Variants in ZNF573 observed in about 807,000 individuals in gnomAD.
ZNF573 encodes zinc finger protein 573.
In ZNF573, 41 loss-of-function variants were observed where a neutral mutation model predicts 57.4. The observed-to-expected ratio is 0.71, with a 90% CI of 0.56 to 0.93. The LOEUF is 0.93. Ranked by LOEUF, ZNF573 falls within the 40% of genes least tolerant of loss-of-function variation. The pLI is 0.00. For synonymous variants in ZNF573, 249 were observed against 261.0 expected, an observed-to-expected ratio of 0.95 and a Z score of 0.44; for missense variants, 730 against 794.8, an observed-to-expected ratio of 0.92 and a Z score of 0.98.
intron 1 of ZNF573, among the ~76,000 whole-genome samples, chr19:37,775,404 T>G (rs988469976): frequency 2.0e-5 from 3 of 152,100 alleles, no homozygotes; most frequent in African/African-American, 7.2e-5. Flanking sequence ...CCATATAGAT[T>G]CCATGAGCTT....
intron 4 of ZNF573, among the ~76,000 whole-genome samples, chr19:37,768,692 GTCTC>G (rs2045623995): frequency 1.3e-5 from 2 of 151,996 alleles, no homozygotes; most frequent in South Asian, 4.1e-4. Context: ...TTGAGATGGA[GTCTC>G]TCTCAGTCGC....
At position 37,739,199 on chromosome 19, in the gene ZNF573, G is replaced by C. The variant is rs772686361; in HGVS notation, c.1291C>G (p.Gln431Glu). 2.0e-5 allele frequency: 33 copies of C among 1,613,028 alleles called. No individual in the cohort carries two copies. Among genetic ancestry groups the C allele is most frequent in the Non-Finnish European group, 2.7e-5 (32 of 1,179,742 alleles). ...KAFSLYGYLK[Q>E]HQKIHTGMKH... Reference sequence around the variant, plus strand: ...ATGCCAGTATGAATTTTCTGATGTTGTTTAAGGTAGCCATACAAGCTAAAG... The same window carrying C: ...ATGCCAGTATGAATTTTCTGATGTTCTTTAAGGTAGCCATACAAGCTAAAG... Residue 431 changes from glutamine to glutamate, a missense_variant, in exon 5 of 5, where the codon CAA becomes GAA. Physicochemically the swap from Gln to Glu is conservative, Grantham distance 29. Coordinates refer to ENST00000536220, the MANE Select transcript of ZNF573 (RefSeq NM_001172690.2).
At chr19:37,748,336 T>C (rs1243951351) in intron 4 of ZNF573, among the ~76,000 whole-genome samples, 1 of 152,222 alleles carries the variant, frequency 6.6e-6, no homozygotes, top group Non-Finnish European at 1.5e-5. Context: ...AATCTCTGTA[T>C]TATCTTTGTA....
chr19:37,741,330 T>C (rs2045325312), intron 4 of ZNF573, among the ~76,000 whole-genome samples: 1 of 152,104 alleles, frequency 6.6e-6, no homozygotes, highest in South Asian at 2.1e-4. Context: ...AATAGCCCAA[T>C]CATAGTTCAC....
At position 37,739,288 on chromosome 19, in the gene ZNF573, A is replaced by C. The variant is rs1220200742; in HGVS notation, c.1202T>G (p.Leu401Arg). ...AGTATGAGTTTTCTGATGTTGAAAG[A>C]GTTTTGAACCAGTAGTATAGGTCTT... ...CGKTYTTGSK[L>R]FQHQKTHTGE... The change falls in exon 5 of 5, where the codon CTC becomes CGC. Residue 401 changes from leucine (L) to arginine (R), a missense_variant. Transcript: ENST00000536220. 1 of 1,613,930 alleles carries C rather than the reference A, an allele frequency of 6.2e-7. No homozygotes were observed. Among genetic ancestry groups the C allele is most frequent in the Admixed American group, 1.7e-5 (1 of 59,984 alleles).
Position 37,738,602 on chromosome 19 carries a change from T to C in ZNF573, c.1888A>G (p.Arg630Gly). 6.2e-7 allele frequency: 1 copy of C among 1,611,302 alleles called. No homozygotes were observed. Among genetic ancestry groups the C allele is most frequent in the Non-Finnish European group, 8.5e-7 (1 of 1,178,748 alleles). The change falls in exon 5 of 5, where the codon AGA becomes GGA. Residue 630 changes from arginine (R) to glycine (G), a missense_variant. Physicochemically the swap from Arg to Gly is moderately radical, Grantham distance 125. Transcript: ENST00000536220. ...SRASNLVQHE[R>G]IHTGEKPYVC... ...TAGGGTTTCTCACCAGTATGAATTC[T>C]CTCATGTTGAACAAGGTTTGAAGCA...
At chr19:37,752,159 G>A (rs2045444334) in intron 4 of ZNF573, among the ~76,000 whole-genome samples, 1 of 152,014 alleles carries the variant, frequency 6.6e-6, no homozygotes, top group Admixed American at 6.6e-5. Flanking sequence ...ATTCAAAGGA[G>A]TCTCTTTAGC....
rs541895815 is a variant in ZNF573 at position 37,740,322 on chromosome 19, G to A, written c.296-128C>T. 6.6e-5 allele frequency: 58 copies of A among 884,390 alleles called. No individual in the cohort carries two copies. In the East Asian group the frequency reaches 7.6e-4, roughly 12 times the overall value. The allele number at this position is 884,390 out of a possible 1,614,324, so 54.8% of individuals were successfully genotyped here. Reference sequence around the variant, plus strand: ...ATATAGAATTCAAAAATATGGTTACGAAATTTGAAAAAGGCCAAAAAGAGT... The same window carrying A: ...ATATAGAATTCAAAAATATGGTTACAAAATTTGAAAAAGGCCAAAAAGAGT... On this transcript the variant is annotated intron_variant, in intron 4 of 4. Transcript: ENST00000536220.
chr19:37,749,561 C>T (rs1468832024), intron 4 of ZNF573, among the ~76,000 whole-genome samples: 1 of 151,886 alleles, frequency 6.6e-6, no homozygotes, highest in Non-Finnish European at 1.5e-5. Flanking sequence ...AATTGGTGAC[C>T]TATATATTCA....
At chr19:37,777,422 G>C (rs1238021747) in intron 1 of ZNF573, among the ~76,000 whole-genome samples, 2 of 152,076 alleles carry the variant, frequency 1.3e-5, no homozygotes, top group Non-Finnish European at 2.9e-5. Flanking sequence ...AGAAAATTTG[G>C]TGTACGTACA....
At chr19:37,748,676 C>G (rs1184141269) in intron 4 of ZNF573, among the ~76,000 whole-genome samples, 1 of 152,010 alleles carries the variant, frequency 6.6e-6, no homozygotes, top group Non-Finnish European at 1.5e-5. Context: ...ATGCCTTAAC[C>G]CCAGCACTTT....
chr19:37,744,231 G>A (rs977641380), intron 4 of ZNF573, among the ~76,000 whole-genome samples: 2 of 152,176 alleles, frequency 1.3e-5, no homozygotes, highest in East Asian at 3.9e-4. Flanking sequence ...CTCCCAAGCA[G>A]GTCATAAAAC....
chr19:37,742,064 T>G (rs891616858), intron 4 of ZNF573, among the ~76,000 whole-genome samples: 1 of 152,072 alleles, frequency 6.6e-6, no homozygotes, highest in Non-Finnish European at 1.5e-5. Context: ...ATGAATGAAC[T>G]CCCATTCATA....
At chr19:37,760,571 C>A (rs956253147) in intron 4 of ZNF573, among the ~76,000 whole-genome samples, 1 of 152,150 alleles carries the variant, frequency 6.6e-6, no homozygotes, top group Non-Finnish European at 1.5e-5. Context: ...AGCCTGTAAT[C>A]CCAGCACTTT....
chr19:37,772,379 T>G (rs531443549), intron 2 of ZNF573, among the ~76,000 whole-genome samples: 1 of 151,914 alleles, frequency 6.6e-6, no homozygotes, highest in East Asian at 1.9e-4. Context: ...GCAATCCGCC[T>G]GCCTCAGCCT....
At chr19:37,772,599 G>A (rs1045415865) in intron 2 of ZNF573, among the ~76,000 whole-genome samples, 8 of 151,006 alleles carry the variant, frequency 5.3e-5, no homozygotes, top group African/African-American at 9.7e-5. Context: ...GACTTACTCC[G>A]TCGTTAATCC....
rs191520328 is a variant in ZNF573, at chr19:37,770,502, C to T, written c.203-405G>A. On this transcript the variant is annotated intron_variant, in intron 3 of 4. Coordinates refer to ENST00000536220, the MANE Select transcript of ZNF573 (RefSeq NM_001172690.2). Reference sequence around the variant, plus strand: ...ACTATTGGCTAGGCATGGTGGCTCACGCCTATAATCCCAGCATTTTGGAAG... The same window carrying T: ...ACTATTGGCTAGGCATGGTGGCTCATGCCTATAATCCCAGCATTTTGGAAG... 1.1e-3 allele frequency: 168 copies of T among 153,542 alleles called. 1 individual carries two copies. Among genetic ancestry groups the T allele is most frequent in the Middle Eastern group, 6.8e-3 (2 of 296 alleles). The allele number at this position is 153,542 out of a possible 1,614,324, so 9.5% of individuals were successfully genotyped here. A position where few individuals can be genotyped will look rare whatever the true frequency, so the allele number is the denominator to read the frequency against.
chr19:37,739,714 C>T lies in ZNF573; in HGVS notation c.776G>A (p.Gly259Glu). ...AACTCTCTGATGAATTCTAAGATGT[C>T]CACCTTGACTAAAGGCCCTCCCACA... ...QECGRAFSQG[G>E]HLRIHQRVHT... The change falls in exon 5 of 5, where the codon GGA becomes GAA. Residue 259 changes from glycine to glutamate, a missense_variant. Transcript: ENST00000536220. 2 of 1,613,502 alleles carry T rather than the reference C, an allele frequency of 1.2e-6. No individual in the cohort carries two copies. The highest frequency in any genetic ancestry group is 1.7e-5 in the Admixed American group (1 of 59,964).
At chr19:37,776,873 CAT>C (rs917641905) in intron 1 of ZNF573, among the ~76,000 whole-genome samples, 86 of 152,222 alleles carry the variant, frequency 5.6e-4, no homozygotes, top group African/African-American at 2.0e-3. Context: ...GGTCAACAAA[CAT>C]ATGAAAAAAT....
Sources: allele counts gnomAD v4.1 joint callset (sites outside exome capture counted in the v4.1 genomes callset), GRCh38; gene constraint gnomAD v4.1.1; transcripts MANE v1.5; gene names NCBI Gene and HGNC (gene_info 2026-07-23, HGNC 2026-07-21).